The following PTK2 variants were observed in gnomAD, a reference collection of about 807,000 sequenced individuals.
The protein encoded by PTK2 is protein tyrosine kinase 2.
In PTK2, 45 loss-of-function variants were observed where a neutral mutation model predicts 150.1. The observed-to-expected ratio is 0.30, with a 90% CI of 0.24 to 0.38. PTK2 has a LOEUF of 0.38. Ranked by LOEUF, PTK2 falls within the 10% of genes least tolerant of loss-of-function variation. PTK2 has a pLI of 1.00. For missense variants in PTK2, 919 were observed against 1,307.3 expected, an observed-to-expected ratio of 0.70 and a Z score of 4.58; for synonymous variants, 432 against 449.2, an observed-to-expected ratio of 0.96 and a Z score of 0.48.
intron 5 of PTK2, among the ~76,000 whole-genome samples, chr8:140,858,709 G>C (rs567903287): frequency 1.3e-5 from 2 of 152,182 alleles, no homozygotes; most frequent in Admixed American, 1.3e-4. Context: ...TAGAAAAATG[G>C]ATCTAAATAA....
intron 16 of PTK2, 151 bp from the exon 20 acceptor site, chr8:140,752,467 A>G (rs976684041): frequency 1.6e-6 from 1 of 635,200 alleles, no homozygotes; most frequent in Non-Finnish European, 2.7e-6. Context: ...GGGATACTTA[A>G]AAACACTCAG....
intron 1 of PTK2, among the ~76,000 whole-genome samples, chr8:140,945,008 T>G (rs568505928): frequency 3.9e-5 from 6 of 152,290 alleles, no homozygotes; most frequent in African/African-American, 1.4e-4. Flanking sequence ...TTTTTCCAAC[T>G]TCCCTGCTTG....
exon 32 of PTK2, chr8:140,658,495 G>A (rs900232850): frequency 5.2e-6 from 1 of 190,958 alleles, no homozygotes; most frequent in African/African-American, 2.3e-5. Context: ...AAACTAAAGG[G>A]AGGGTATATT....
chr8:140,864,712 C>T lies in PTK2; in HGVS notation c.363-313G>A, dbSNP rs371703580. ...GAACTGCCCTGACTTCTAACATCTT[C>T]CACGACTTCCCACGTCTAAATTTTT... On this transcript the variant is annotated intron_variant, in intron 4 of 31. Transcript: ENST00000522684. Among the ~76,000 whole-genome samples the T allele has an allele frequency of 1.5e-4, 23 of 152,308 alleles. No homozygotes were observed. The East Asian group carries it at 3.7e-3, about 24-fold the overall frequency.
At chr8:140,751,244 C>T (rs2100062482) in intron 17 of PTK2, among the ~76,000 whole-genome samples, 1 of 152,230 alleles carries the variant, frequency 6.6e-6, no homozygotes, top group South Asian at 2.1e-4. Context: ...TCTTAGCTCA[C>T]TGCTACATGG....
chr8:140,862,610 C>T (rs1165897415), intron 5 of PTK2, among the ~76,000 whole-genome samples: 2 of 152,162 alleles, frequency 1.3e-5, no homozygotes, highest in Admixed American at 1.3e-4. Context: ...AGTTAGTAGC[C>T]TATTAGGAAC....
intron 17 of PTK2, among the ~76,000 whole-genome samples, chr8:140,749,926 T>C (rs1193525662): frequency 2.6e-5 from 4 of 152,190 alleles, no homozygotes; most frequent in Admixed American, 1.3e-4. Context: ...AATCACAACA[T>C]AGTAACTGTT....
chr8:140,726,700 T>C (rs191184945), intron 22 of PTK2, among the ~76,000 whole-genome samples: 16 of 152,238 alleles, frequency 1.1e-4, no homozygotes, highest in East Asian at 7.7e-4. Context: ...ATAAAACTAA[T>C]AGAATTCACC....
At chr8:140,914,495 G>A (rs1253112710) in intron 2 of PTK2, among the ~76,000 whole-genome samples, 5 of 151,434 alleles carry the variant, frequency 3.3e-5, no homozygotes, top group East Asian at 1.9e-4. Flanking sequence ...CTTGTATCAC[G>A]AGGGTTTGTT....
At chr8:140,840,646 T>A (rs934243651) in intron 7 of PTK2, among the ~76,000 whole-genome samples, 3 of 152,056 alleles carry the variant, frequency 2.0e-5, no homozygotes, top group Admixed American at 1.3e-4. Context: ...TCAACGTAAT[T>A]ACAGAAGAAA....
At chr8:140,803,698 T>C (rs780947118) in intron 10 of PTK2, 48 bp from the exon 11 acceptor site, 3 of 1,479,120 alleles carry the variant, frequency 2.0e-6, no homozygotes, top group Non-Finnish European at 2.8e-6. Flanking sequence ...AAAAAACTCA[T>C]TTCACAGAGT....
chr8:140,693,539 CCA>C (rs962308699), intron 26 of PTK2, among the ~76,000 whole-genome samples: 1 of 128,348 alleles, frequency 7.8e-6, no homozygotes, highest in African/African-American at 3.0e-5. Flanking sequence ...CCAGCCAGGG[CCA>C]CAGAGTGAGA....
chr8:140,961,460 G>A (rs1005214542), intron 1 of PTK2, among the ~76,000 whole-genome samples: 2 of 152,046 alleles, frequency 1.3e-5, no homozygotes, highest in Non-Finnish European at 1.5e-5. Flanking sequence ...AGGAGATCGA[G>A]ACCGTCCTGG....
intron 7 of PTK2, among the ~76,000 whole-genome samples, chr8:140,832,294 A>T (rs1444133544): frequency 6.6e-6 from 1 of 152,148 alleles, no homozygotes; most frequent in Non-Finnish European, 1.5e-5. Context: ...ACCTCAAGTG[A>T]TCTGCCCGCT....
intron 1 of PTK2, among the ~76,000 whole-genome samples, chr8:140,971,962 G>A (rs1280323011): frequency 6.6e-6 from 1 of 152,170 alleles, no homozygotes; most frequent in Non-Finnish European, 1.5e-5. Flanking sequence ...TTATCAAGGA[G>A]AATCTAATAG....
At chr8:140,763,636 A>G (rs1229947299) in intron 15 of PTK2, among the ~76,000 whole-genome samples, 1 of 152,138 alleles carries the variant, frequency 6.6e-6, no homozygotes, top group African/African-American at 2.4e-5. Flanking sequence ...CATCACAGAG[A>G]GAAGCAGAAT....
intron 7 of PTK2, among the ~76,000 whole-genome samples, chr8:140,838,489 T>C (rs1451920857): frequency 2.6e-5 from 4 of 152,174 alleles, no homozygotes; most frequent in South Asian, 4.1e-4. Flanking sequence ...TTGTTAAGTA[T>C]CTTTATTATA....
chr8:140,934,278 T>C (rs1416138099), intron 1 of PTK2, among the ~76,000 whole-genome samples: 1 of 152,130 alleles, frequency 6.6e-6, no homozygotes, highest in South Asian at 2.1e-4. Flanking sequence ...GTCAGTGTCA[T>C]GCGCCTGTAG....
At chr8:140,962,194 C>A (rs1371082834) in intron 1 of PTK2, among the ~76,000 whole-genome samples, 2 of 122,256 alleles carry the variant, frequency 1.6e-5, no homozygotes, top group African/African-American at 6.2e-5. Flanking sequence ...GCCTGGGCAA[C>A]AGAGCAAGAC....
Sources: allele counts gnomAD v4.1 joint callset (sites outside exome capture counted in the v4.1 genomes callset), GRCh38; gene constraint gnomAD v4.1.1; transcripts MANE v1.5; gene names NCBI Gene and HGNC (gene_info 2026-07-23, HGNC 2026-07-21).